The following DUSP10 variants were observed in gnomAD, a reference collection of about 807,000 sequenced individuals.
DUSP10 encodes the protein dual specificity phosphatase 10.
DUSP10 carries 14 observed loss-of-function variants against 30.8 expected under a neutral mutation model. The observed-to-expected ratio is 0.46, with a 90% CI of 0.30 to 0.71. DUSP10 has a LOEUF of 0.71. Ranked by LOEUF, DUSP10 falls within the 30% of genes least tolerant of loss-of-function variation. DUSP10 has a pLI of 0.08. For missense variants in DUSP10, 550 were observed against 619.4 expected (o/e 0.89, Z 1.19); for synonymous variants, 254 against 250.4 (o/e 1.01, Z -0.14).
intron 2 of DUSP10, among the ~76,000 whole-genome samples, chr1:221,719,814 A>G (rs1265709065): frequency 6.6e-6 from 1 of 152,246 alleles, no homozygotes; most frequent in Non-Finnish European, 1.5e-5. Context: ...ACTGGGTTCT[A>G]GCTCTGTGAC....
chr1:221,731,634 C>G (rs1440184276), intron 2 of DUSP10, among the ~76,000 whole-genome samples: 4 of 117,986 alleles, frequency 3.4e-5, no homozygotes, highest in Non-Finnish European at 6.5e-5. Flanking sequence ...TTTTTTGCGA[C>G]AGAGTCTCAC....
At chr1:221,715,417 G>C (rs183699098) in intron 2 of DUSP10, among the ~76,000 whole-genome samples, 1 of 152,148 alleles carries the variant, frequency 6.6e-6, no homozygotes, top group Admixed American at 6.5e-5. Flanking sequence ...TTGGATTTCC[G>C]CCGGCTGGAG....
intron 3 of DUSP10, among the ~76,000 whole-genome samples, chr1:221,703,589 T>A (rs1660672346): frequency 6.6e-6 from 1 of 152,196 alleles, no homozygotes; most frequent in South Asian, 2.1e-4. Context: ...GTGGCAATAA[T>A]GCAGAAGATG....
intron 2 of DUSP10, among the ~76,000 whole-genome samples, chr1:221,725,317 T>C (rs1212774327): frequency 2.0e-5 from 3 of 152,210 alleles, no homozygotes; most frequent in Non-Finnish European, 4.4e-5. Context: ...CAAAGTTTGT[T>C]TTAATAAATG....
Position 221,712,790 on chromosome 1 carries a change from A to AAAAAG in DUSP10, c.812-6325_812-6324insCTTTT, listed in dbSNP as rs1435478507. ...TATATAAAGCAGCAAAAAAAAAAAAAAAAAAAAAAAGAGCTTTGCCTTGGA... is the reference window on the plus strand; with the variant it reads ...TATATAAAGCAGCAAAAAAAAAAAAAAAAAGAAAAAAAAAAGAGCTTTGCCTTGGA... On this transcript the variant is annotated intron_variant, in intron 2 of 3. Transcript: ENST00000366899. 4.3e-4 allele frequency among the ~76,000 whole-genome samples: 64 copies of AAAAAG among 150,552 alleles called. 1 individual carries two copies. Among genetic ancestry groups the AAAAAG allele is most frequent in the African/African-American group, 1.5e-3 (62 of 41,220 alleles).
intron 2 of DUSP10, among the ~76,000 whole-genome samples, chr1:221,712,582 T>C (rs150528969): frequency 1.8e-3 from 280 of 152,194 alleles, no homozygotes; most frequent in African/African-American, 6.2e-3. Flanking sequence ...TATAACATAA[T>C]GGGATCTTGA....
rs870302 is a variant in DUSP10, at chr1:221,701,624, G to A, written c.*788C>T. 8,374 of 148,650 alleles carry A rather than the reference G, an allele frequency of 0.056. 289 individuals are homozygous for A. Among genetic ancestry groups the A allele is most frequent in the African/African-American group, 0.098 (3,949 of 40,236 alleles). The allele number at this position is 148,650 out of a possible 1,614,324, so 9.2% of individuals were successfully genotyped here. On this transcript the variant is annotated 3_prime_UTR_variant, in exon 4 of 4. Transcript: ENST00000366899. ...AAAAAGGAAAAAGGTGGGAAGGAAA[G>A]TATTTGATATATTGTTGAATTCCTT...
chr1:221,737,576 C>A (rs1205514069), intron 2 of DUSP10: 1 of 528,106 alleles, frequency 1.9e-6, no homozygotes, highest in Non-Finnish European at 2.4e-6. Context: ...TTCTGGAACT[C>A]TCTACATACA....
At chr1:221,736,246 G>C (rs535097597) in intron 2 of DUSP10, among the ~76,000 whole-genome samples, 2 of 152,092 alleles carry the variant, frequency 1.3e-5, no homozygotes, top group African/African-American at 4.8e-5. Context: ...GGACAGGGAG[G>C]GTAGCAACCA....
At chr1:221,723,721 G>T in intron 2 of DUSP10, among the ~76,000 whole-genome samples, 1 of 152,194 alleles carries the variant, frequency 6.6e-6, no homozygotes, top group East Asian at 1.9e-4. Flanking sequence ...TATCTGGGAG[G>T]GTCCTGCATA....
chr1:221,728,267 A>G (rs1661483273), intron 2 of DUSP10, among the ~76,000 whole-genome samples: 1 of 152,200 alleles, frequency 6.6e-6, no homozygotes, highest in Non-Finnish European at 1.5e-5. Context: ...GCATAAAATG[A>G]ACTTTGTGAC....
At chr1:221,738,871 G>C (rs578123895) in intron 2 of DUSP10, 63 bp downstream of exon 2, 7 of 1,528,332 alleles carry the variant, frequency 4.6e-6, no homozygotes, top group Admixed American at 4.3e-5. Context: ...GTCACTCTAC[G>C]AGAAAACCCA....
rs1422231834 is a variant in DUSP10, at chr1:221,739,384, T to C, written c.361A>G (p.Asn121Asp). Residue 121 changes from asparagine (N) to aspartate (D), a missense_variant, in exon 2 of 4, where the codon AAT becomes GAT. By Grantham distance (23) the Asn-to-Asp change is conservative. Transcript: ENST00000366899. ...TCPANQMVNN[N>D]ENTGSLSPSS... The stretch of plus-strand genomic sequence containing the variant: ...GGACTTAGAGAGCCTGTATTCTCAT[T>C]ATTGTTGACCATCTGGTTAGCAGGG... 2 of 1,614,070 alleles carry C rather than the reference T, an allele frequency of 1.2e-6. No homozygotes were observed. Among genetic ancestry groups the C allele is most frequent in the East Asian group, 2.2e-5 (1 of 44,898 alleles).
In DUSP10 at chr1:221,706,162, C is replaced by T; in HGVS notation, c.1116G>A (p.Arg372=). The T allele has an allele frequency of 6.2e-7, 1 of 1,614,122 alleles. No homozygotes were observed. The highest frequency in any genetic ancestry group is 8.5e-7 in the Non-Finnish European group (1 of 1,180,008). The change falls in exon 3 of 4, where the codon CGG becomes CGA. Residue 372 remains arginine, a synonymous_variant. Coordinates refer to ENST00000366899, the MANE Select transcript of DUSP10 (RefSeq NM_007207.6). This position sits in a 1 kb window ranked among gnomAD's most constrained non-coding sequence, Gnocchi z 4.6. ...GCTTGTTGCTGTCAGTGGCTGGCAG[C>T]CGCTTGTAGTTGAACAGGCCTTTCT... ...HYEKGLFNYK[R]LPATDSNKQN...
chr1:221,734,467 A>G (rs967017257), intron 2 of DUSP10, among the ~76,000 whole-genome samples: 3 of 152,238 alleles, frequency 2.0e-5, no homozygotes, highest in Non-Finnish European at 2.9e-5. Flanking sequence ...TACTGGCACT[A>G]TCATTTCCTT....
At chr1:221,710,467 T>C (rs1660901630) in intron 2 of DUSP10, among the ~76,000 whole-genome samples, 1 of 152,002 alleles carries the variant, frequency 6.6e-6, no homozygotes, top group Admixed American at 6.6e-5. Context: ...CTTAAAACAA[T>C]GTCCAGCACA....
Position 221,738,947 on chromosome 1 carries a change from A to C in DUSP10, c.798T>G (p.Pro266=), listed in dbSNP as rs772831743. 2 of 1,609,340 alleles carry C rather than the reference A, an allele frequency of 1.2e-6. No individual in the cohort carries two copies. Among genetic ancestry groups the C allele is most frequent in the Non-Finnish European group, 1.7e-6 (2 of 1,177,346 alleles). The change falls in exon 2 of 4, where the codon CCT becomes CCG. Residue 266 remains proline (P), a synonymous_variant. Transcript: ENST00000366899. Reference sequence around the variant, plus strand: ...CAGGGGCATTACCTTTCAACACCAGAGGTTCTTTGCCTTCTCTCTTCAGGG... The same window carrying C: ...CAGGGGCATTACCTTTCAACACCAGCGGTTCTTTGCCTTCTCTCTTCAGGG... The part of the protein sequence containing the change: ...LESLKREGKE[P]LVLKGGLSSF...
intron 1 of DUSP10, among the ~76,000 whole-genome samples, chr1:221,740,792 C>T (rs538612019): frequency 1.0e-3 from 155 of 152,290 alleles, no homozygotes; most frequent in African/African-American, 3.4e-3. Context: ...TTGAAAGGGA[C>T]AGTGAATTGT....
At chr1:221,723,481 A>T (rs912641028) in intron 2 of DUSP10, among the ~76,000 whole-genome samples, 1 of 152,246 alleles carries the variant, frequency 6.6e-6, no homozygotes. Flanking sequence ...TTAAGGCCAC[A>T]GTCTCAAATA....
Sources: allele counts gnomAD v4.1 joint callset (sites outside exome capture counted in the v4.1 genomes callset), GRCh38; gene constraint gnomAD v4.1.1; non-coding constraint Gnocchi (gnomAD v3.1); transcripts MANE v1.5; gene names NCBI Gene and HGNC (gene_info 2026-07-23, HGNC 2026-07-21).